The following CFAP210 variants were observed in gnomAD, a reference collection of about 807,000 sequenced individuals.
CFAP210 encodes cilia and flagella associated protein 210.
chr2:169,687,416 T>C, the CFAP210 span, among the ~76,000 whole-genome samples: 4 of 152,108 alleles, frequency 2.6e-5, no homozygotes, highest in East Asian at 3.9e-4. Flanking sequence ...CTAGATACGA[T>C]AGGGGTACAG....
chr2:169,648,190 A>AT, the CFAP210 span: 3 of 212,698 alleles, frequency 1.4e-5, no homozygotes, highest in Non-Finnish European at 1.9e-5. Context: ...AAAAAAAAAA[A>AT]GTGAAAACCA....
chr2:169,649,279 A>C, the CFAP210 span: 1 of 1,613,760 alleles, frequency 6.2e-7, no homozygotes, highest in South Asian at 1.1e-5. Context: ...ATCTGCTTTC[A>C]TGACAGCCAG....
the CFAP210 span, chr2:169,680,885 A>G: frequency 1.4e-6 from 1 of 728,402 alleles, no homozygotes; most frequent in African/African-American, 1.8e-5. Flanking sequence ...TGTTGAAAAT[A>G]TGTTTCGATG....
chr2:169,683,416 A>T, the CFAP210 span, among the ~76,000 whole-genome samples: 1 of 152,212 alleles, frequency 6.6e-6, no homozygotes, highest in African/African-American at 2.4e-5. Context: ...CCTTGTAACA[A>T]ATTTCCTTTA....
chr2:169,650,315 A>G, the CFAP210 span: 2 of 1,545,350 alleles, frequency 1.3e-6, no homozygotes, highest in Non-Finnish European at 1.7e-6. Context: ...TATTTTCATA[A>G]TTGAATTGTT....
chr2:169,650,540 A>G, the CFAP210 span: 1 of 1,477,952 alleles, frequency 6.8e-7, no homozygotes, highest in Non-Finnish European at 9.0e-7. Flanking sequence ...AAATAACCAT[A>G]CTCGTCAAAT....
chr2:169,651,036 G>A, the CFAP210 span, among the ~76,000 whole-genome samples: 1 of 151,722 alleles, frequency 6.6e-6, no homozygotes, highest in Non-Finnish European at 1.5e-5. Flanking sequence ...AGACTAGCCT[G>A]ACCAACATGG....
chr2:169,692,670 G>A, the CFAP210 span, among the ~76,000 whole-genome samples: 815 of 152,282 alleles, frequency 5.4e-3, 3 homozygotes, highest in African/African-American at 0.019. Context: ...TCTGATAGCT[G>A]TGATATTTAA....
chr2:169,649,146 T>C, the CFAP210 span: 4 of 1,527,880 alleles, frequency 2.6e-6, no homozygotes, highest in South Asian at 1.2e-5. Context: ...TATATACTTA[T>C]TACTAACATA....
At chr2:169,693,600 G>A in the CFAP210 span, among the ~76,000 whole-genome samples, 1 of 152,236 alleles carries the variant, frequency 6.6e-6, no homozygotes, top group Non-Finnish European at 1.5e-5. Flanking sequence ...CTAATTTACA[G>A]ACGTAAGAAA....
At chr2:169,649,922 CA>C in the CFAP210 span, among the ~76,000 whole-genome samples, 88 of 144,024 alleles carry the variant, frequency 6.1e-4, no homozygotes, top group Admixed American at 1.8e-3. Context: ...AACTCTGTCT[CA>C]AAAAAAAAAA....
At chr2:169,678,335 C>CCAT in the CFAP210 span, among the ~76,000 whole-genome samples, 27 of 86,390 alleles carry the variant, frequency 3.1e-4, no homozygotes, top group Non-Finnish European at 4.7e-4. Context: ...GAGCGAAACT[C>CCAT]TGTTGCAAAA....
At chr2:169,686,827 C>T in the CFAP210 span, among the ~76,000 whole-genome samples, 1 of 152,112 alleles carries the variant, frequency 6.6e-6, no homozygotes, top group African/African-American at 2.4e-5. Flanking sequence ...ACCATCTTAA[C>T]AATACTAAAT....
At chr2:169,689,561 T>A in the CFAP210 span, among the ~76,000 whole-genome samples, 1 of 152,236 alleles carries the variant, frequency 6.6e-6, no homozygotes, top group Non-Finnish European at 1.5e-5. Flanking sequence ...TCTGTGAATA[T>A]AGAAAGTTTT....
At chr2:169,667,529 A>G in the CFAP210 span, among the ~76,000 whole-genome samples, 1 of 152,132 alleles carries the variant, frequency 6.6e-6, no homozygotes, top group East Asian at 1.9e-4. Flanking sequence ...ATCATTATCT[A>G]TGGCAGCTAC....
chr2:169,678,105 C>T, the CFAP210 span, among the ~76,000 whole-genome samples: 2 of 151,930 alleles, frequency 1.3e-5, no homozygotes, highest in Non-Finnish European at 2.9e-5. Flanking sequence ...CTTTGGGAGG[C>T]CGAGGTGGGC....
chr2:169,684,416 G>A, the CFAP210 span, among the ~76,000 whole-genome samples: 2 of 152,068 alleles, frequency 1.3e-5, no homozygotes, highest in East Asian at 1.9e-4. Context: ...ATCTAATTCA[G>A]AACACTTTCA....
At chr2:169,653,138 G>A in the CFAP210 span, among the ~76,000 whole-genome samples, 1 of 141,720 alleles carries the variant, frequency 7.1e-6, no homozygotes, top group South Asian at 2.2e-4. Flanking sequence ...GAGGAAAGCA[G>A]GTAAAGTGAT....
the CFAP210 span, among the ~76,000 whole-genome samples, chr2:169,652,809 C>A: frequency 2.0e-5 from 3 of 149,146 alleles, no homozygotes; most frequent in East Asian, 5.9e-4. Flanking sequence ...TCCTGGCTAA[C>A]ACGGTGAAAC....
Sources: allele counts gnomAD v4.1 joint callset (sites outside exome capture counted in the v4.1 genomes callset), GRCh38; gene constraint gnomAD v4.1.1; transcripts MANE v1.5; gene names NCBI Gene and HGNC (gene_info 2026-07-23, HGNC 2026-07-21).